Variants in RGS3 observed in about 807,000 individuals in gnomAD.
RGS3 encodes the protein regulator of G protein signaling 3.
In RGS3, 80 loss-of-function variants were observed where a neutral mutation model predicts 132.6. The ratio of observed to expected loss-of-function variants is 0.60; its 90% CI spans 0.50 to 0.73. The LOEUF (loss-of-function observed/expected upper bound fraction) is 0.73. RGS3 is among the 30% of genes least tolerant of loss of function. The pLI, the probability that RGS3 is intolerant of heterozygous loss-of-function variation, is 0.00. For missense variants in RGS3, 1,382 were observed against 1,530.8 expected (o/e 0.90, Z 1.62); for synonymous variants, 598 against 620.6 (o/e 0.96, Z 0.54).
At chr9:113,497,966 G>A (rs1588162417) in intron 9 of RGS3, 59 bp from the exon 8 acceptor site, 14 of 1,576,142 alleles carry the variant, frequency 8.9e-6, no homozygotes, top group East Asian at 4.5e-5. Flanking sequence ...TGGGTGGTCC[G>A]AGGAGGGGAG....
intron 20 of RGS3, among the ~76,000 whole-genome samples, chr9:113,585,644 T>C (rs1835081574): frequency 6.6e-6 from 1 of 152,142 alleles, no homozygotes; most frequent in Admixed American, 6.5e-5. Context: ...AACAGAGAGG[T>C]AGAGGCAAGC....
intron 10 of RGS3, among the ~76,000 whole-genome samples, chr9:113,504,675 T>C (rs774478646): frequency 6.6e-6 from 1 of 152,216 alleles, no homozygotes; most frequent in Non-Finnish European, 1.5e-5. Flanking sequence ...TGGCATGCTG[T>C]AGGAGCTCAA....
chr9:113,552,474 G>T (rs1230099133), intron 19 of RGS3, among the ~76,000 whole-genome samples: 3 of 151,984 alleles, frequency 2.0e-5, no homozygotes, highest in African/African-American at 7.3e-5. Context: ...CCACCACCAC[G>T]CCCGGCTAAT....
intron 19 of RGS3, among the ~76,000 whole-genome samples, chr9:113,562,678 C>CTT (rs1833844889): frequency 6.6e-6 from 1 of 152,072 alleles, no homozygotes; most frequent in Non-Finnish European, 1.5e-5. Context: ...CTGTGGGCCA[C>CTT]CTAGATCTTA....
chr9:113,491,616 G>A (rs779984000), intron 7 of RGS3, among the ~76,000 whole-genome samples: 13 of 151,016 alleles, frequency 8.6e-5, no homozygotes, highest in African/African-American at 1.2e-4. Flanking sequence ...GTGGAATGGC[G>A]CGATCTCACC....
chr9:113,516,498 C>T (rs982996529), intron 15 of RGS3, among the ~76,000 whole-genome samples: 1 of 152,014 alleles, frequency 6.6e-6, no homozygotes, highest in Non-Finnish European at 1.5e-5. Flanking sequence ...GCTGGGATTA[C>T]AGGTGCCCAC....
chr9:113,541,206 C>A, intron 19 of RGS3: 1 of 1,110,684 alleles, frequency 9.0e-7, no homozygotes, highest in Non-Finnish European at 1.3e-6. Context: ...AGAGACAGCC[C>A]TGGAGATGCC....
At chr9:113,582,093 C>T (rs1487396878) in intron 19 of RGS3, 9 of 985,350 alleles carry the variant, frequency 9.1e-6, no homozygotes, top group Non-Finnish European at 1.1e-5. Flanking sequence ...ACCCCTGACA[C>T]GTGTGTGCAG....
At chr9:113,545,962 A>T (rs1350875840) in intron 19 of RGS3, among the ~76,000 whole-genome samples, 1 of 152,140 alleles carries the variant, frequency 6.6e-6, no homozygotes, top group African/African-American at 2.4e-5. Context: ...CCTGCTTTTG[A>T]TTATTTTGCT....
At chr9:113,597,347 C>A (rs1411673) in exon 25 of RGS3, 91 of 166,774 alleles carry the variant, frequency 5.5e-4, no homozygotes, top group African/African-American at 2.0e-3. Flanking sequence ...GCCATTGGAG[C>A]TTGCAGCTCA....
At chr9:113,572,632 A>T (rs111685055) in intron 19 of RGS3, among the ~76,000 whole-genome samples, 76 of 152,346 alleles carry the variant, frequency 5.0e-4, no homozygotes, top group Non-Finnish European at 1.1e-3. Context: ...GTATCTGGAA[A>T]GGGGGACCTT....
intron 16 of RGS3, among the ~76,000 whole-genome samples, chr9:113,518,683 G>A (rs770110072): frequency 1.3e-5 from 2 of 152,068 alleles, no homozygotes; most frequent in South Asian, 2.1e-4. Flanking sequence ...TCCACCGCTC[G>A]CTGTTGCCTA....
At chr9:113,451,943 AT>A (rs1829255031) in intron 1 of RGS3, among the ~76,000 whole-genome samples, 1 of 151,890 alleles carries the variant, frequency 6.6e-6, no homozygotes, top group Non-Finnish European at 1.5e-5. Context: ...TTTTACCTTC[AT>A]TTTTGGAAGA....
intron 10 of RGS3, chr9:113,501,628 C>G: frequency 6.4e-7 from 1 of 1,562,108 alleles, no homozygotes. Context: ...CCGCTACCGC[C>G]AGGTGGGTGC....
intron 2 of RGS3, chr9:113,461,998 A>G (rs759258008): frequency 1.2e-5 from 19 of 1,610,520 alleles, no homozygotes; most frequent in Non-Finnish European, 1.6e-5. Flanking sequence ...TGGCTAACTC[A>G]TGCTCCCATC....
At chr9:113,594,185 CCCGCTGCCCAGGA>C (rs780355747) in intron 21 of RGS3, 2 of 1,613,016 alleles carry the variant, frequency 1.2e-6, no homozygotes, top group Non-Finnish European at 1.7e-6. Context: ...ACCGTTGCTG[CCCGCTGCCCAGGA>C]CGCGGGGTGG....
chr9:113,463,859 G>A lies in RGS3; in HGVS notation c.415+1658G>A. The A allele has an allele frequency of 1.9e-6, 3 of 1,613,224 alleles. No homozygotes were observed. Among genetic ancestry groups the A allele is most frequent in the Non-Finnish European group, 2.5e-6 (3 of 1,179,850 alleles). On this transcript the variant is annotated intron_variant, in intron 3 of 24. Transcript: ENST00000350696. This position sits in a 1 kb window ranked among gnomAD's most constrained non-coding sequence, Gnocchi z 4.6. ...GGAGCCGGCGTGCCCACCCGGACTT[G>A]TCCTTCTACCTCACCACCTTTGGTA...
chr9:113,504,507 G>A (rs1405602953), intron 10 of RGS3, among the ~76,000 whole-genome samples: 2 of 152,162 alleles, frequency 1.3e-5, no homozygotes, highest in South Asian at 2.1e-4. Flanking sequence ...CAAGCATGGC[G>A]TCCATAGTCG....
At chr9:113,471,193 C>G (rs1232288759) in intron 3 of RGS3, among the ~76,000 whole-genome samples, 1 of 152,022 alleles carries the variant, frequency 6.6e-6, no homozygotes, top group Admixed American at 6.6e-5. Flanking sequence ...CACTCTATTC[C>G]TATGGAGCAA....
Sources: gnomAD v4.1 joint callset for allele counts (sites outside exome capture counted in the v4.1 genomes callset) on GRCh38, gnomAD v4.1.1 for gene constraint, Gnocchi (gnomAD v3.1) non-coding constraint, MANE v1.5 for transcripts, NCBI Gene and HGNC (gene_info 2026-07-23, HGNC 2026-07-21) for gene names.